The following CYBRD1 variants were observed in gnomAD, a reference collection of about 807,000 sequenced individuals.
CYBRD1 encodes cytochrome b reductase 1.
A neutral mutation model predicts 21.9 loss-of-function variants in CYBRD1; 14 were observed. That is an observed-to-expected ratio of 0.64 (90% CI 0.42 to 1.00). The LOEUF (loss-of-function observed/expected upper bound fraction) is 1.00, where lower values mean the gene tolerates loss of function less well. Among genes scored for constraint, CYBRD1 ranks in the 50% least tolerant of loss-of-function variants. The pLI, the probability that CYBRD1 is intolerant of heterozygous loss-of-function variation, is 0.00. For missense variants in CYBRD1, 328 were observed against 352.5 expected (o/e 0.93, Z 0.56); for synonymous variants, 146 against 136.5 (o/e 1.07, Z -0.48).
chr2:171,538,617 C>T (rs1018049915), intron 1 of CYBRD1, among the ~76,000 whole-genome samples: 2 of 152,062 alleles, frequency 1.3e-5, no homozygotes, highest in African/African-American at 4.8e-5. Flanking sequence ...GAAATATTGT[C>T]CTAATGGTGA....
intron 1 of CYBRD1, among the ~76,000 whole-genome samples, chr2:171,539,484 A>G (rs554959239): frequency 6.6e-6 from 1 of 152,008 alleles, no homozygotes; most frequent in South Asian, 2.1e-4. Flanking sequence ...AAAAGAAAAG[A>G]AATATACGTG....
At chr2:171,524,960 CGT>C (rs1282540786) in intron 1 of CYBRD1, among the ~76,000 whole-genome samples, 1 of 152,120 alleles carries the variant, frequency 6.6e-6, no homozygotes, top group African/African-American at 2.4e-5. Context: ...TCTTTCAAGA[CGT>C]AGTCTTGCTC....
chr2:171,554,521 T>C lies in CYBRD1; in HGVS notation c.558-3T>C, dbSNP rs374275822. ...GTAATTGGATACATCTCTTATTTCA[T>C]AGGAGAGATCCTGCATACAGTACAT... On this transcript the variant is annotated splice_polypyrimidine_tract_variant and splice_region_variant and intron_variant, in intron 3 of 3. Transcript: ENST00000321348. 7 of 1,613,636 alleles carry C rather than the reference T, an allele frequency of 4.3e-6. No individual in the cohort carries two copies. The highest frequency in any genetic ancestry group is 2.2e-5 in the East Asian group (1 of 44,886).
At position 171,557,684 on chromosome 2, in the gene CYBRD1, G is replaced by A. The variant is rs180769804; in HGVS notation, c.*2857G>A. On this transcript the variant is annotated 3_prime_UTR_variant, in exon 4 of 4. Transcript: ENST00000321348. Reference sequence around the variant, plus strand: ...GCAATTGCACTTTTTAAGGGATATCGACAAGCAGTTTCTGTTTTCTAAAGG... The same window carrying A: ...GCAATTGCACTTTTTAAGGGATATCAACAAGCAGTTTCTGTTTTCTAAAGG... 2.6e-5 allele frequency: 4 copies of A among 152,230 alleles called. No individual in the cohort carries two copies. Among genetic ancestry groups the A allele is most frequent in the Admixed American group, 2.0e-4 (3 of 15,274 alleles). The allele number at this position is 152,230 out of a possible 1,614,324, so 9.4% of individuals were successfully genotyped here.
At chr2:171,551,787 T>G (rs1258866282) in intron 2 of CYBRD1, among the ~76,000 whole-genome samples, 4 of 152,202 alleles carry the variant, frequency 2.6e-5, no homozygotes, top group African/African-American at 9.6e-5. Context: ...AAAAATTAAT[T>G]CACTTGTTGC....
At position 171,554,567 on chromosome 2, in the gene CYBRD1, G is replaced by A. The variant is rs773851558; in HGVS notation, c.601G>A (p.Val201Ile). 1.9e-5 allele frequency: 30 copies of A among 1,613,776 alleles called. No homozygotes were observed. Among genetic ancestry groups the A allele is most frequent in the Non-Finnish European group, 2.5e-5 (30 of 1,179,920 alleles). ...YSTFPPEGVF[V>I]NTLGLLILVF... is the part of the protein sequence containing the mutation. Reference sequence around the variant, plus strand: ...TACATTCCCGCCAGAAGGTGTTTTCGTAAATACGCTTGGCCTTCTGATCCT... The same window carrying A: ...TACATTCCCGCCAGAAGGTGTTTTCATAAATACGCTTGGCCTTCTGATCCT... Residue 201 changes from valine (V) to isoleucine (I), a missense_variant, in exon 4 of 4, where the codon GTA becomes ATA. Transcript: ENST00000321348.
At chr2:171,549,429 A>T (rs922925219) in intron 2 of CYBRD1, among the ~76,000 whole-genome samples, 1 of 152,252 alleles carries the variant, frequency 6.6e-6, no homozygotes, top group African/African-American at 2.4e-5. Flanking sequence ...ATTTCTAATT[A>T]TAAAAGTAAT....
intron 2 of CYBRD1, among the ~76,000 whole-genome samples, chr2:171,543,070 A>G (rs1308856668): frequency 6.6e-6 from 1 of 152,198 alleles, no homozygotes; most frequent in African/African-American, 2.4e-5. Context: ...AAAAAAATCC[A>G]TAAATAATTC....
At chr2:171,550,177 C>T (rs925327927) in intron 2 of CYBRD1, among the ~76,000 whole-genome samples, 1 of 152,170 alleles carries the variant, frequency 6.6e-6, no homozygotes, top group Admixed American at 6.6e-5. Context: ...ACAATGTCAG[C>T]TCACTGCAAC....
intron 1 of CYBRD1, among the ~76,000 whole-genome samples, chr2:171,533,335 C>G (rs1203928016): frequency 6.6e-6 from 1 of 152,232 alleles, no homozygotes; most frequent in Non-Finnish European, 1.5e-5. Flanking sequence ...CCACTGCACT[C>G]TAGCCTGGGT....
intron 1 of CYBRD1, among the ~76,000 whole-genome samples, chr2:171,538,873 C>T (rs567195864): frequency 1.3e-5 from 2 of 152,244 alleles, no homozygotes; most frequent in South Asian, 4.1e-4. Context: ...TCTTGGTTTA[C>T]TGCAACCTCC....
intron 2 of CYBRD1, among the ~76,000 whole-genome samples, chr2:171,544,830 G>A (rs559060694): frequency 2.0e-5 from 3 of 152,258 alleles, no homozygotes; most frequent in African/African-American, 7.2e-5. Context: ...AAGTAGAGAA[G>A]TAGAGAGAAA....
intron 2 of CYBRD1, among the ~76,000 whole-genome samples, chr2:171,549,633 T>C (rs1459577855): frequency 6.6e-6 from 1 of 152,262 alleles, no homozygotes; most frequent in Non-Finnish European, 1.5e-5. Flanking sequence ...CATTAGCTTT[T>C]GGCTTATTCC....
At chr2:171,539,029 CT>C (rs1462585588) in intron 1 of CYBRD1, among the ~76,000 whole-genome samples, 1 of 152,108 alleles carries the variant, frequency 6.6e-6, no homozygotes, top group African/African-American at 2.4e-5. Context: ...AACTCCTGAC[CT>C]CAGGTGATCC....
intron 1 of CYBRD1, among the ~76,000 whole-genome samples, chr2:171,525,934 C>G (rs13403066): frequency 2.5e-5 from 3 of 120,780 alleles, no homozygotes; most frequent in Admixed American, 9.4e-5. Flanking sequence ...GCAACAAGAG[C>G]GAAACTCCCG....
Position 171,556,254 on chromosome 2 carries a change from T to C in CYBRD1, c.*1427T>C, listed in dbSNP as rs997587162. ...TTGGAGCTAAAAGAGACCTGTCTCA[T>C]GGTCTGCCCTTCCCTGGGGCAATAG... On this transcript the variant is annotated 3_prime_UTR_variant, in exon 4 of 4. Transcript: ENST00000321348. 2 of 152,238 alleles carry C rather than the reference T, an allele frequency of 1.3e-5. No individual in the cohort carries two copies. The highest frequency in any genetic ancestry group is 4.8e-5 in the African/African-American group (2 of 41,464). The allele number at this position is 152,238 out of a possible 1,614,324, so 9.4% of individuals were successfully genotyped here.
rs1683504659 is a variant in CYBRD1 at position 171,557,219 on chromosome 2, T to C, written c.*2392T>C. 6.6e-6 allele frequency: 1 copy of C among 152,338 alleles called. No homozygotes were observed. Among genetic ancestry groups the C allele is most frequent in the South Asian group, 2.1e-4 (1 of 4,832 alleles). 9.4% of individuals were successfully genotyped at this position (152,338 alleles called of 1,614,324 possible). Reference sequence around the variant, plus strand: ...TCTAATGATAATTGTACCTTTATCTTTCAAAAGCTGATATTTCCTACCTAA... The same window carrying C: ...TCTAATGATAATTGTACCTTTATCTCTCAAAAGCTGATATTTCCTACCTAA... On this transcript the variant is annotated 3_prime_UTR_variant, in exon 4 of 4. Coordinates refer to ENST00000321348, the MANE Select transcript of CYBRD1 (RefSeq NM_024843.4).
chr2:171,537,471 GTGTT>G (rs1486773477), intron 1 of CYBRD1, among the ~76,000 whole-genome samples: 2 of 152,144 alleles, frequency 1.3e-5, no homozygotes, highest in Non-Finnish European at 1.5e-5. Context: ...AAAGTGCTTT[GTGTT>G]TGTTTATTTA....
Position 171,553,412 on chromosome 2 carries a change from C to G in CYBRD1, c.469C>G (p.Pro157Ala). 6.2e-7 allele frequency: 1 copy of G among 1,613,690 alleles called. No homozygotes were observed. Among genetic ancestry groups the G allele is most frequent in the Non-Finnish European group, 8.5e-7 (1 of 1,179,762 alleles). The change falls in exon 3 of 4, where the codon CCC (proline) becomes GCC (alanine). Residue 157 changes from proline (P) to alanine (A), a missense_variant. By Grantham distance (27) the Pro-to-Ala change is conservative. Transcript: ENST00000321348. ...APLSLRAFLM[P>A]IHVYSGIVIF... is the part of the protein sequence containing the mutation. The stretch of plus-strand genomic sequence containing the variant: ...GCTTTCTCTCCGAGCATTTCTCATG[C>G]CCATACATGTTTATTCTGGAATTGT...
Sources: allele counts gnomAD v4.1 joint callset (sites outside exome capture counted in the v4.1 genomes callset), GRCh38; gene constraint gnomAD v4.1.1; transcripts MANE v1.5; gene names NCBI Gene and HGNC (gene_info 2026-07-23, HGNC 2026-07-21).